The following F5 variants were observed in gnomAD, a reference collection of about 807,000 sequenced individuals.
The protein encoded by F5 is activated protein c cofactor.
F5 carries 138 observed loss-of-function variants against 216.4 expected under a neutral mutation model. The ratio of observed to expected loss-of-function variants is 0.64; its 90% CI spans 0.56 to 0.73. The LOEUF (loss-of-function observed/expected upper bound fraction) is 0.73. F5 is among the 30% of genes least tolerant of loss of function. The pLI is 0.00. For missense variants in F5, 2,403 were observed against 2,674.0 expected (o/e 0.90, Z 2.24); for synonymous variants, 916 against 930.7 (o/e 0.98, Z 0.29).
chr1:169,526,075 G>C (rs1659442993), intron 17 of F5, 58 bp from the exon 18 acceptor site: 1 of 1,170,482 alleles, frequency 8.5e-7, no homozygotes, highest in South Asian at 1.2e-5. Flanking sequence ...TATTGTGGTT[G>C]ATAGTTCTCT....
chr1:169,540,785 C>T lies in F5; in HGVS notation c.4305G>A (p.Gln1435=), dbSNP rs905576446. ...GQMSLSPDLS[Q]VTLSPDISDT... The stretch of plus-strand genomic sequence containing the variant: ...CACTGATGTCTGGAGAGAGAGTCAC[C>T]TGGCTGAGGTCTGGGGAAAGGGACA... Residue 1435 remains glutamine (Q), a synonymous_variant, in exon 13 of 25, where the codon CAG becomes CAA. Transcript: ENST00000367797. The T allele has an allele frequency of 1.9e-6, 3 of 1,613,922 alleles. No homozygotes were observed. Among genetic ancestry groups the T allele is most frequent in the Non-Finnish European group, 2.5e-6 (3 of 1,179,958 alleles).
At chr1:169,540,210 A>C in intron 13 of F5, 84 bp downstream of exon 13, 2 of 1,476,120 alleles carry the variant, frequency 1.4e-6, no homozygotes, top group South Asian at 2.3e-5. Flanking sequence ...TAATTTGCCC[A>C]CAATTATCCC....
chr1:169,554,033 C>A (rs1660249468), intron 7 of F5, among the ~76,000 whole-genome samples: 1 of 147,384 alleles, frequency 6.8e-6, no homozygotes, highest in South Asian at 2.1e-4. Context: ...GTTCTGTCAA[C>A]AATTCTATAA....
intron 4 of F5, 129 bp downstream of exon 4, chr1:169,560,425 G>A: frequency 3.7e-6 from 3 of 812,300 alleles, no homozygotes; most frequent in Admixed American, 4.1e-5. Context: ...CAATGATCTG[G>A]TCTCCGTGCC....
At chr1:169,564,142 T>C (rs1209283515) in intron 3 of F5, among the ~76,000 whole-genome samples, 1 of 152,108 alleles carries the variant, frequency 6.6e-6, no homozygotes, top group East Asian at 1.9e-4. Flanking sequence ...TCTTTCTATG[T>C]TTGATGGTAG....
intron 14 of F5, among the ~76,000 whole-genome samples, chr1:169,533,117 G>GCAA (rs746170102): frequency 6.6e-6 from 1 of 151,664 alleles, no homozygotes; most frequent in Non-Finnish European, 1.5e-5. Context: ...AACAACAACA[G>GCAA]CAACAACAAC....
intron 8 of F5, among the ~76,000 whole-genome samples, chr1:169,551,906 C>T (rs1443250758): frequency 2.6e-5 from 4 of 152,120 alleles, no homozygotes. Flanking sequence ...CATCAGAGTC[C>T]AACCATTAGA....
intron 3 of F5, among the ~76,000 whole-genome samples, chr1:169,567,159 A>G (rs1358691633): frequency 1.3e-5 from 2 of 151,758 alleles, no homozygotes; most frequent in Non-Finnish European, 2.9e-5. Flanking sequence ...CATGGTAGAA[A>G]GAGGGTGAGT....
chr1:169,578,239 C>A (rs112822442), intron 2 of F5, among the ~76,000 whole-genome samples: 1 of 152,156 alleles, frequency 6.6e-6, no homozygotes, highest in Non-Finnish European at 1.5e-5. Flanking sequence ...ACACCTTTGT[C>A]CACATGAAAC....
rs1557904522 is a variant in F5 at position 169,518,582 on chromosome 1, CG to C, written c.6194-20del. 6.2e-7 allele frequency: 1 copy of C among 1,613,264 alleles called. No individual in the cohort carries two copies. The highest frequency in any genetic ancestry group is 8.5e-7 in the Non-Finnish European group (1 of 1,179,546). ...GAACATCCTATCAAAAGAAAAGTAA[CG>C]TGATTAATTACACACCAATATTCCC... On this transcript the variant is annotated intron_variant, in intron 22 of 24. Transcript: ENST00000367797.
In F5 at chr1:169,544,286, T is replaced by C; in HGVS notation, c.1975+10A>G. On this transcript the variant is annotated intron_variant, in intron 12 of 24. Transcript: ENST00000367797. ...AAGCTTCCTCTGTGAGTGTCCAGAC[T>C]CTTACTCACCAACATTATCCATTGT... 6.2e-7 allele frequency: 1 copy of C among 1,611,936 alleles called. No homozygotes were observed. Among genetic ancestry groups the C allele is most frequent in the South Asian group, 1.1e-5 (1 of 91,028 alleles).
At position 169,560,748 on chromosome 1, in the gene F5, T is replaced by C; in HGVS notation, c.392A>G (p.His131Arg). The change falls in exon 4 of 25, where the codon CAC (histidine) becomes CGC (arginine). Residue 131 changes from histidine to arginine, a missense_variant. This residue lies in a region of F5 where 1,425 missense variants were observed against 1,554.8 expected (regional missense o/e 0.92). Coordinates refer to ENST00000367797, the MANE Select transcript of F5 (RefSeq NM_000130.5). ...GTCCATCTTCTCCGCAGGGAATGTG[T>C]GGTCAAGGTAAGAAGCACCTGGAGG... ...KLSEGASYLD[H>R]TFPAEKMDDA... 6.2e-7 allele frequency: 1 copy of C among 1,612,206 alleles called. No individual in the cohort carries two copies.
At chr1:169,515,335 C>A in intron 24 of F5, 109 bp downstream of exon 24, 1 of 1,297,196 alleles carries the variant, frequency 7.7e-7, no homozygotes, top group Non-Finnish European at 1.1e-6. Context: ...ATTTAGAAGA[C>A]TTAAAGAGGT....
rs1199153980 is a variant in F5, at chr1:169,546,485, C to T, written c.1719G>A (p.Val573=). ...INKFCENPDE[V]KRDDPKFYES... ...CATAAAACTTGGGGTCATCACGTTT[C>T]ACCTCATCAGGATTTTCACAAAACT... The change falls in exon 11 of 25, where the codon GTG becomes GTA. Residue 573 remains valine (V), a synonymous_variant. Coordinates refer to ENST00000367797, the MANE Select transcript of F5 (RefSeq NM_000130.5). 1.2e-6 allele frequency: 2 copies of T among 1,614,014 alleles called. No individual in the cohort carries two copies. The highest frequency in any genetic ancestry group is 2.2e-5 in the East Asian group (1 of 44,896).
At position 169,530,879 on chromosome 1, in the gene F5, A is replaced by G; in HGVS notation, c.5115T>C (p.Ser1705=). Residue 1705 remains serine, a synonymous_variant, in exon 15 of 25, where the codon AGT becomes AGC. Coordinates refer to ENST00000367797, the MANE Select transcript of F5 (RefSeq NM_000130.5). ...KEDNAVQPNS[S]YTYVWHATER... is the part of the protein sequence containing the mutation. ...CAGTGGCATGCCATACGTAGGTATA[A>G]CTGCTATTTGGCTGAACAGCATTAT... The G allele has an allele frequency of 6.2e-7, 1 of 1,613,984 alleles. No homozygotes were observed. The highest frequency in any genetic ancestry group is 8.5e-7 in the Non-Finnish European group (1 of 1,179,880).
intron 1 of F5, among the ~76,000 whole-genome samples, chr1:169,583,616 A>G (rs1245667711): frequency 2.0e-5 from 3 of 152,246 alleles, no homozygotes; most frequent in African/African-American, 4.8e-5. Flanking sequence ...TATGTGCAAA[A>G]GGCATAGAGC....
Position 169,555,343 on chromosome 1 carries a change from C to T in F5, c.957G>A (p.Gly319=). ...TTTTAATGTCAATGTAAGCCTGCAT[C>T]CCAGCTGAGTTAGGACAGAAAGACA... ...SSLTPKHLQA[G]MQAYIDIKNC... The change falls in exon 7 of 25, where the codon GGG becomes GGA. Residue 319 remains glycine, a synonymous_variant. Coordinates refer to ENST00000367797, the MANE Select transcript of F5 (RefSeq NM_000130.5). 6.2e-7 allele frequency: 1 copy of T among 1,613,936 alleles called. No individual in the cohort carries two copies. Among genetic ancestry groups the T allele is most frequent in the Non-Finnish European group, 8.5e-7 (1 of 1,179,948 alleles).
chr1:169,545,574 G>T (rs1296967645), intron 11 of F5, among the ~76,000 whole-genome samples: 1 of 152,176 alleles, frequency 6.6e-6, no homozygotes, highest in Non-Finnish European at 1.5e-5. Context: ...GGACAGCACT[G>T]GTCTAGAACT....
chr1:169,514,510 T>TTTTTTG (rs1175292444), intron 24 of F5, 51 bp from the exon 25 acceptor site: 4 of 1,564,074 alleles, frequency 2.6e-6, no homozygotes, highest in Non-Finnish European at 3.5e-6. Flanking sequence ...ATGGCTAAGG[T>TTTTTTG]TTTTTGTTTT....
Sources: allele counts gnomAD v4.1 joint callset (sites outside exome capture counted in the v4.1 genomes callset), GRCh38; gene constraint gnomAD v4.1.1; regional missense constraint gnomAD v4.1.1; transcripts MANE v1.5; gene names NCBI Gene and HGNC (gene_info 2026-07-23, HGNC 2026-07-21).